Variants in METAP1 observed in about 807,000 individuals in gnomAD.
METAP1 encodes the protein methionine aminopeptidase 1.
Under a neutral mutation model 53.8 loss-of-function variants are expected in METAP1, and 28 were observed. That is an observed-to-expected ratio of 0.52 (90% CI 0.39 to 0.71). The LOEUF (loss-of-function observed/expected upper bound fraction) is 0.71. Among genes scored for constraint, METAP1 ranks in the 30% least tolerant of loss-of-function variants. The probability of loss-of-function intolerance (pLI) is 0.00; values close to 1 mark genes in which losing one functional copy is unlikely to be tolerated. For missense variants in METAP1, 389 were observed against 479.8 expected (o/e 0.81, Z 1.77); for synonymous variants, 181 against 165.7 (o/e 1.09, Z -0.71).
In METAP1 at chr4:99,045,281, A is replaced by G. The variant is rs1726138692; in HGVS notation, c.758A>G (p.Tyr253Cys). The change falls in exon 8 of 11, where the codon TAT (tyrosine) becomes TGT (cysteine). Residue 253 changes from tyrosine to cysteine, a missense_variant. Physicochemically the swap from Tyr to Cys is radical, Grantham distance 194 (BLOSUM62 -2). Coordinates refer to ENST00000296411, the MANE Select transcript of METAP1 (RefSeq NM_015143.3). ...DGARKLVQTT[Y>C]ECLMQAIDAV... Reference sequence around the variant, plus strand: ...GCACGGAAACTTGTTCAGACCACATATGAGTGCCTGATGCAAGCCATTGAT... The same window carrying G: ...GCACGGAAACTTGTTCAGACCACATGTGAGTGCCTGATGCAAGCCATTGAT... The G allele has an allele frequency of 1.9e-6, 3 of 1,613,714 alleles. No individual in the cohort carries two copies. The highest frequency in any genetic ancestry group is 2.5e-6 in the Non-Finnish European group (3 of 1,179,812).
intron 10 of METAP1, among the ~76,000 whole-genome samples, chr4:99,060,851 G>C (rs1018141149): frequency 6.6e-6 from 1 of 152,034 alleles, no homozygotes; most frequent in African/African-American, 2.4e-5. Context: ...AATTAATTAA[G>C]GTTGTTACTC....
rs1727603643 is a variant in METAP1, at chr4:99,062,393, A to G, written c.*1076A>G. On this transcript the variant is annotated 3_prime_UTR_variant, in exon 11 of 11. Transcript: ENST00000296411. ...GTGTGGAAACACACCTCTCCTTTACATAGTTGGGAACCTCATTAGAAATGA... is the reference window on the plus strand; with the variant it reads ...GTGTGGAAACACACCTCTCCTTTACGTAGTTGGGAACCTCATTAGAAATGA... The G allele has an allele frequency of 6.6e-6, 1 of 152,610 alleles. No homozygotes were observed. The highest frequency in any genetic ancestry group is 1.5e-5 in the Non-Finnish European group (1 of 68,058). 9.5% of individuals were successfully genotyped at this position (152,610 alleles called of 1,614,324 possible). A position where few individuals can be genotyped will look rare whatever the true frequency, so the allele number is the denominator to read the frequency against.
chr4:99,049,973 G>T (rs1579326194), intron 9 of METAP1, among the ~76,000 whole-genome samples: 1 of 152,132 alleles, frequency 6.6e-6, no homozygotes, highest in East Asian at 1.9e-4. Context: ...GAGGTAATTG[G>T]CTTGCTCAAG....
chr4:99,001,568 T>C (rs1414989590), intron 1 of METAP1, among the ~76,000 whole-genome samples: 2 of 152,210 alleles, frequency 1.3e-5, no homozygotes, highest in Admixed American at 1.3e-4. Flanking sequence ...TCTTAACCAG[T>C]GTTTTGGTAG....
intron 1 of METAP1, among the ~76,000 whole-genome samples, chr4:99,021,463 G>A (rs914086745): frequency 6.6e-6 from 1 of 152,128 alleles, no homozygotes; most frequent in African/African-American, 2.4e-5. Context: ...ACAAGAGAGG[G>A]CCAAGGACTG....
At chr4:99,056,565 TTTGC>T (rs1349488330) in intron 9 of METAP1, among the ~76,000 whole-genome samples, 1 of 151,938 alleles carries the variant, frequency 6.6e-6, no homozygotes, top group African/African-American at 2.4e-5. Context: ...GTTTTTTTTG[TTTGC>T]TTGTTTGTTT....
chr4:99,041,366 A>G (rs1039217000), intron 6 of METAP1, among the ~76,000 whole-genome samples: 1 of 152,122 alleles, frequency 6.6e-6, no homozygotes, highest in South Asian at 2.1e-4. Flanking sequence ...GAAACAACAT[A>G]TTTGTAATAA....
chr4:99,022,732 C>T (rs1230743497), intron 1 of METAP1: 26 of 1,581,186 alleles, frequency 1.6e-5, no homozygotes, highest in Non-Finnish European at 2.1e-5. Flanking sequence ...AGGGGCTGCA[C>T]CTGTGGGTAC....
rs774189108 is a variant in METAP1 at position 99,039,506 on chromosome 4, G to T, written c.432+41G>T. On this transcript the variant is annotated intron_variant, in intron 5 of 10. Coordinates refer to ENST00000296411, the MANE Select transcript of METAP1 (RefSeq NM_015143.3). ...TCTCCATGGGGTAGGAAATGTTTAA[G>T]CAGTACTTAGACATGAAGTCAGTGG... The T allele has an allele frequency of 5.0e-6, 6 of 1,211,238 alleles. No homozygotes were observed. In the African/African-American group the frequency reaches 7.5e-5, roughly 15 times the overall value. The allele number at this position is 1,211,238 out of a possible 1,614,324, so 75.0% of individuals were successfully genotyped here. A position where few individuals can be genotyped will look rare whatever the true frequency, so the allele number is the denominator to read the frequency against.
chr4:99,016,453 A>G (rs1723771797), intron 1 of METAP1, among the ~76,000 whole-genome samples: 1 of 152,162 alleles, frequency 6.6e-6, no homozygotes, highest in South Asian at 2.1e-4. Context: ...TTCTATGTCC[A>G]GCACCTGGGC....
At chr4:99,038,665 A>G (rs1331087773) in intron 4 of METAP1, among the ~76,000 whole-genome samples, 1 of 152,080 alleles carries the variant, frequency 6.6e-6, no homozygotes, top group Non-Finnish European at 1.5e-5. Context: ...TGGCTTTATT[A>G]CTTTTCATGT....
chr4:99,025,906 A>G (rs753294146), intron 1 of METAP1, among the ~76,000 whole-genome samples: 3 of 152,220 alleles, frequency 2.0e-5, no homozygotes, highest in Non-Finnish European at 2.9e-5. Flanking sequence ...TCCTTTCTAC[A>G]GATAATAACA....
chr4:99,012,000 T>G (rs750158120), intron 1 of METAP1, among the ~76,000 whole-genome samples: 5 of 152,132 alleles, frequency 3.3e-5, no homozygotes, highest in Admixed American at 6.5e-5. Context: ...CTCCTCCTTT[T>G]TAGTTATTGA....
At chr4:99,044,783 A>G (rs1445850073) in intron 7 of METAP1, among the ~76,000 whole-genome samples, 1 of 152,234 alleles carries the variant, frequency 6.6e-6, no homozygotes, top group Non-Finnish European at 1.5e-5. Context: ...GTTATTCCCT[A>G]GCAGGAGTAA....
chr4:99,039,836 C>T (rs969068929), intron 5 of METAP1, among the ~76,000 whole-genome samples: 4 of 151,868 alleles, frequency 2.6e-5, no homozygotes, highest in Non-Finnish European at 4.4e-5. Context: ...TCGTGATCTG[C>T]CCACCTTGGC....
At chr4:99,045,451 A>T in intron 8 of METAP1, 141 bp downstream of exon 8, 2 of 841,518 alleles carry the variant, frequency 2.4e-6, no homozygotes, top group Middle Eastern at 3.7e-4. Context: ...GTTAGCAGTA[A>T]TGGGTAAAAG....
intron 1 of METAP1, among the ~76,000 whole-genome samples, chr4:99,020,049 C>A (rs1320002353): frequency 6.6e-6 from 1 of 152,046 alleles, no homozygotes; most frequent in Admixed American, 6.6e-5. Context: ...TTGTGGGTCC[C>A]GAGCAGGAAA....
intron 1 of METAP1, among the ~76,000 whole-genome samples, chr4:99,000,273 G>A (rs1722857487): frequency 6.6e-6 from 1 of 152,176 alleles, no homozygotes. Flanking sequence ...GGATCAGCTG[G>A]GAGGGACCTG....
In METAP1 at chr4:99,048,761, G is replaced by GGGAA; in HGVS notation, c.817_820dup (p.Asn274ArgfsTer39). 1 of 1,613,890 alleles carries GGGAA rather than the reference G, an allele frequency of 6.2e-7. No homozygotes were observed. The highest frequency in any genetic ancestry group is 8.5e-7 in the Non-Finnish European group (1 of 1,179,838). ...AGCCTGGTGTTCGGTACAGAGAATT[G>GGGAA]GGAAACATTATCCAGAAGCATGCCC... is the stretch of plus-strand genomic sequence containing the variant. On this transcript the variant is annotated frameshift_variant, in exon 9 of 11. Coordinates refer to ENST00000296411, the MANE Select transcript of METAP1 (RefSeq NM_015143.3). LOFTEE classifies it high-confidence loss of function.
Sources: allele counts gnomAD v4.1 joint callset (sites outside exome capture counted in the v4.1 genomes callset), GRCh38; gene constraint gnomAD v4.1.1; transcripts MANE v1.5; gene names NCBI Gene and HGNC (gene_info 2026-07-23, HGNC 2026-07-21).